C8B: variants seen among roughly 807,000 people sequenced by gnomAD.
C8B encodes the protein complement C8 beta chain.
A neutral mutation model predicts 64.6 loss-of-function variants in C8B; 67 were observed. That is an observed-to-expected ratio of 1.04 (90% CI 0.85 to 1.27). C8B has a LOEUF of 1.27. Among genes scored for constraint, C8B ranks in the 50% most tolerant of loss-of-function variants. The pLI, the probability that C8B is intolerant of heterozygous loss-of-function variation, is 0.00. For synonymous variants in C8B, 284 were observed against 257.7 expected, an observed-to-expected ratio of 1.10 and a Z score of -0.98; for missense variants, 790 against 725.2, an observed-to-expected ratio of 1.09 and a Z score of -1.03.
At chr1:56,957,137 T>G (rs904741068) in intron 2 of C8B, among the ~76,000 whole-genome samples, 18 of 152,152 alleles carry the variant, frequency 1.2e-4, no homozygotes, top group African/African-American at 4.1e-4. Flanking sequence ...GTCTGTGAGC[T>G]CTCTGAGGGC....
At chr1:56,965,398 A>AGAGAGAGTGTGTGTGTGT (rs1553120321) in intron 1 of C8B, among the ~76,000 whole-genome samples, 38 of 142,676 alleles carry the variant, frequency 2.7e-4, no homozygotes, top group East Asian at 1.5e-3. Flanking sequence ...AGAGAGAGAG[A>AGAGAGAGTGTGTGTGTGT]GTGTGTGTGT....
intron 9 of C8B, among the ~76,000 whole-genome samples, chr1:56,935,771 G>T (rs1203688719): frequency 6.6e-6 from 1 of 152,166 alleles, no homozygotes; most frequent in Non-Finnish European, 1.5e-5. Flanking sequence ...GCTAGTGAGT[G>T]GTGGAAAAAG....
At chr1:56,957,643 T>G (rs540688003) in intron 2 of C8B, among the ~76,000 whole-genome samples, 3 of 152,344 alleles carry the variant, frequency 2.0e-5, no homozygotes, top group Admixed American at 1.3e-4. Flanking sequence ...TATGCATTTA[T>G]TCCAAAATGA....
intron 8 of C8B, among the ~76,000 whole-genome samples, chr1:56,941,456 A>G (rs1020217658): frequency 4.0e-5 from 6 of 151,246 alleles, no homozygotes; most frequent in African/African-American, 1.2e-4. Flanking sequence ...ATAGAAAGAT[A>G]GACAGACAGA....
chr1:56,947,298 T>C (rs533426814), intron 6 of C8B, among the ~76,000 whole-genome samples: 2 of 152,310 alleles, frequency 1.3e-5, no homozygotes, highest in African/African-American at 4.8e-5. Context: ...CCTCTCTGGC[T>C]TCAGCTTCTA....
Position 56,952,033 on chromosome 1 carries a change from C to CT in C8B, c.666+14dup. On this transcript the variant is annotated intron_variant, in intron 5 of 11. Coordinates refer to ENST00000371237, the MANE Select transcript of C8B (RefSeq NM_000066.4). ...CAGCTGGGGCTCCCTCCACTGCTAC[C>CT]TGGCTGTCTCTTACCTGTGGCGTGT... The CT allele has an allele frequency of 6.2e-7, 1 of 1,613,636 alleles. No individual in the cohort carries two copies. Among genetic ancestry groups the CT allele is most frequent in the Non-Finnish European group, 8.5e-7 (1 of 1,179,986 alleles).
At chr1:56,944,455 C>G (rs1422838347) in intron 7 of C8B, among the ~76,000 whole-genome samples, 1 of 152,142 alleles carries the variant, frequency 6.6e-6, no homozygotes, top group Non-Finnish European at 1.5e-5. Flanking sequence ...GCAACTTTGA[C>G]CACCAGGGCT....
rs77902042 is a variant in C8B at position 56,952,984 on chromosome 1, G to A, written c.534-804C>T. On this transcript the variant is annotated intron_variant, in intron 4 of 11. Transcript: ENST00000371237. ...ATTTCCGTACAACCCTCATCACAAC[G>A]CATTTACAATATTATTCACAATAAT... 3.8e-3 allele frequency among the ~76,000 whole-genome samples: 581 copies of A among 152,260 alleles called. 3 individuals are homozygous for A. The highest frequency in any genetic ancestry group is 0.013 in the African/African-American group (541 of 41,538).
At chr1:56,949,964 G>C (rs900525901) in intron 5 of C8B, among the ~76,000 whole-genome samples, 3 of 152,136 alleles carry the variant, frequency 2.0e-5, no homozygotes, top group Non-Finnish European at 2.9e-5. Context: ...TGAAAACTTA[G>C]AGGTTGGTTT....
intron 1 of C8B, 51 bp from the exon 2 acceptor site, chr1:56,960,227 A>G: frequency 6.6e-7 from 1 of 1,524,268 alleles, no homozygotes; most frequent in South Asian, 1.1e-5. Flanking sequence ...GGAATTAAGT[A>G]TACATCCAAC....
chr1:56,945,109 AG>A (rs1644922518), intron 7 of C8B, among the ~76,000 whole-genome samples: 1 of 152,216 alleles, frequency 6.6e-6, no homozygotes, highest in East Asian at 1.9e-4. Context: ...AAAGCTTGTT[AG>A]AAATGCACTC....
intron 9 of C8B, among the ~76,000 whole-genome samples, chr1:56,938,539 A>T (rs1358209693): frequency 1.3e-5 from 2 of 152,126 alleles, no homozygotes; most frequent in East Asian, 3.8e-4. Flanking sequence ...CATGAACATA[A>T]TTTCAATCTT....
At chr1:56,958,189 G>A (rs558514158) in intron 2 of C8B, among the ~76,000 whole-genome samples, 10 of 152,240 alleles carry the variant, frequency 6.6e-5, no homozygotes, top group East Asian at 1.9e-4. Context: ...TTTATCCTGC[G>A]GCAATGAGAA....
At chr1:56,965,830 A>G in intron 1 of C8B, 27 bp downstream of exon 1, 4 of 1,612,868 alleles carry the variant, frequency 2.5e-6, no homozygotes, top group Non-Finnish European at 3.4e-6. Flanking sequence ...ATTATTGATC[A>G]GGGAATTATT....
chr1:56,957,419 G>A (rs1003731337), intron 2 of C8B, among the ~76,000 whole-genome samples: 1 of 152,160 alleles, frequency 6.6e-6, no homozygotes, highest in African/African-American at 2.4e-5. Context: ...ATACTTTATA[G>A]TTGTGTGATA....
rs750763836 is a variant in C8B at position 56,929,442 on chromosome 1, A to G, written c.1738T>C (p.Cys580Arg). ...NPPPQNGGSP[C>R]SGPASETLDC... ...AGTGTTTCTGAAGCAGGGCCTGAACAGGGGCTACCCCCATTTTGAGGAGGT... is the reference window on the plus strand; with the variant it reads ...AGTGTTTCTGAAGCAGGGCCTGAACGGGGGCTACCCCCATTTTGAGGAGGT... Residue 580 changes from cysteine (C) to arginine (R), a missense_variant, in exon 12 of 12, where the codon TGT becomes CGT. Cys to Arg is a radical substitution (Grantham distance 180). Transcript: ENST00000371237. 2 of 1,612,474 alleles carry G rather than the reference A, an allele frequency of 1.2e-6. No homozygotes were observed. The highest frequency in any genetic ancestry group is 1.7e-6 in the Non-Finnish European group (2 of 1,179,926).
intron 5 of C8B, among the ~76,000 whole-genome samples, chr1:56,950,603 C>T (rs894901207): frequency 1.3e-5 from 2 of 152,156 alleles, no homozygotes; most frequent in Admixed American, 6.5e-5. Flanking sequence ...ACAGCTCAGC[C>T]GCTACAAGGG....
intron 9 of C8B, among the ~76,000 whole-genome samples, chr1:56,940,500 T>A (rs139002190): frequency 2.6e-3 from 392 of 151,670 alleles, no homozygotes; most frequent in African/African-American, 8.8e-3. Flanking sequence ...AGCCCAGGAG[T>A]TGGAGGCTGC....
intron 5 of C8B, among the ~76,000 whole-genome samples, chr1:56,951,267 G>A (rs1236408312): frequency 6.6e-6 from 1 of 152,118 alleles, no homozygotes; most frequent in Admixed American, 6.6e-5. Flanking sequence ...AATTTTGGAA[G>A]TGGAAATTAC....
Sources: allele counts gnomAD v4.1 joint callset (sites outside exome capture counted in the v4.1 genomes callset), GRCh38; gene constraint gnomAD v4.1.1; transcripts MANE v1.5; gene names NCBI Gene and HGNC (gene_info 2026-07-23, HGNC 2026-07-21).